Variants in ROR1 observed in about 807,000 individuals in gnomAD.
The protein encoded by ROR1 is ROR family WNT receptor 1.
Under a neutral mutation model 78.8 loss-of-function variants are expected in ROR1, and 19 were observed. That is an observed-to-expected ratio of 0.24 (90% CI 0.17 to 0.35). The LOEUF (loss-of-function observed/expected upper bound fraction) is 0.35, where lower values mean the gene tolerates loss of function less well. ROR1 is among the 10% of genes least tolerant of loss of function. The pLI, the probability that ROR1 is intolerant of heterozygous loss-of-function variation, is 1.00. For synonymous variants in ROR1, 386 were observed against 433.6 expected, an observed-to-expected ratio of 0.89 and a Z score of 1.36; for missense variants, 917 against 1,177.8, an observed-to-expected ratio of 0.78 and a Z score of 3.24.
intron 4 of ROR1, among the ~76,000 whole-genome samples, chr1:64,056,584 G>C (rs1432699631): frequency 6.6e-6 from 1 of 151,484 alleles, no homozygotes; most frequent in Non-Finnish European, 1.5e-5. Flanking sequence ...GCTGAGGCAG[G>C]AGAATCACTT....
chr1:64,049,544 T>C (rs188939523), intron 2 of ROR1, 147 bp from the exon 3 acceptor site: 491 of 720,466 alleles, frequency 6.8e-4, no homozygotes, highest in Non-Finnish European at 9.7e-4. Context: ...TCTTAATCAA[T>C]GTGATTGTTT....
intron 1 of ROR1, among the ~76,000 whole-genome samples, chr1:63,959,847 C>T (rs759793410): frequency 6.6e-6 from 1 of 152,142 alleles, no homozygotes; most frequent in Non-Finnish European, 1.5e-5. Context: ...TTCAATAAGT[C>T]CAGACACTTG....
intron 2 of ROR1, among the ~76,000 whole-genome samples, chr1:64,015,870 T>G (rs1306426679): frequency 6.6e-6 from 1 of 152,300 alleles, no homozygotes; most frequent in East Asian, 1.9e-4. Flanking sequence ...ACTAAAACAC[T>G]TAGAGCCTCT....
chr1:64,092,362 T>G (rs1647206533), intron 4 of ROR1, among the ~76,000 whole-genome samples: 1 of 152,160 alleles, frequency 6.6e-6, no homozygotes, highest in South Asian at 2.1e-4. Context: ...TTAGCTTTGG[T>G]CTCCCTTTTC....
At chr1:64,043,778 C>T (rs930150329) in intron 2 of ROR1, among the ~76,000 whole-genome samples, 7 of 152,238 alleles carry the variant, frequency 4.6e-5, no homozygotes, top group South Asian at 2.1e-4. Context: ...CGCTTTCTGG[C>T]TGTGTGACTT....
chr1:63,961,754 G>C (rs1646031468), intron 1 of ROR1, among the ~76,000 whole-genome samples: 1 of 152,134 alleles, frequency 6.6e-6, no homozygotes, highest in African/African-American at 2.4e-5. Flanking sequence ...TAGATAGGAG[G>C]AATAAGTTCT....
chr1:64,088,783 A>C (rs1647173170), intron 4 of ROR1, among the ~76,000 whole-genome samples: 1 of 152,168 alleles, frequency 6.6e-6, no homozygotes, highest in African/African-American at 2.4e-5. Context: ...ACATAAAAAT[A>C]ATTCTTATGC....
chr1:64,112,069 T>C (rs1648120434), intron 4 of ROR1: 1 of 152,122 alleles, frequency 6.6e-6, no homozygotes, highest in Admixed American at 6.5e-5. Context: ...ATGGGTGTCT[T>C]ACATGAATGG....
At chr1:63,782,568 T>G (rs1404573308) in intron 1 of ROR1, among the ~76,000 whole-genome samples, 1 of 150,826 alleles carries the variant, frequency 6.6e-6, no homozygotes, top group Non-Finnish European at 1.5e-5. Context: ...TTTTTTTTTT[T>G]GTTACAGCTG....
intron 1 of ROR1, among the ~76,000 whole-genome samples, chr1:63,807,581 C>G (rs527706850): frequency 9.2e-5 from 14 of 152,266 alleles, no homozygotes; most frequent in African/African-American, 3.1e-4. Flanking sequence ...GGCTTTAGAG[C>G]GATTTCCCTC....
In ROR1 at chr1:64,178,318, T is replaced by C. The variant is rs774498435; in HGVS notation, c.2277T>C (p.Thr759=). Reference sequence around the variant, plus strand: ...GACTCTCAAGTCACACAAGCTCTACTACTCCTTCAGGGGGAAATGCCACCA... The same window carrying C: ...GACTCTCAAGTCACACAAGCTCTACCACTCCTTCAGGGGGAAATGCCACCA... ...WEGLSSHTSS[T]TPSGGNATTQ... Residue 759 remains threonine, a synonymous_variant, in exon 9 of 9, where the codon ACT becomes ACC. Transcript: ENST00000371079. This position sits in a 1 kb window ranked among gnomAD's most constrained non-coding sequence, Gnocchi z 4.3. 2 of 1,614,130 alleles carry C rather than the reference T, an allele frequency of 1.2e-6. No homozygotes were observed. The highest frequency in any genetic ancestry group is 1.7e-6 in the Non-Finnish European group (2 of 1,180,004).
At chr1:63,931,591 T>C (rs1268776823) in intron 1 of ROR1, among the ~76,000 whole-genome samples, 2 of 152,190 alleles carry the variant, frequency 1.3e-5, no homozygotes, top group Non-Finnish European at 2.9e-5. Flanking sequence ...CCAAGTAGTA[T>C]GGTGAAATCT....
chr1:63,912,919 C>A (rs1281091653), intron 1 of ROR1, among the ~76,000 whole-genome samples: 4 of 152,052 alleles, frequency 2.6e-5, no homozygotes, highest in Non-Finnish European at 5.9e-5. Flanking sequence ...TGAGGAGAAG[C>A]GCTTCAGATA....
intron 7 of ROR1, among the ~76,000 whole-genome samples, chr1:64,150,022 T>C (rs953291203): frequency 2.6e-5 from 4 of 152,248 alleles, no homozygotes; most frequent in South Asian, 2.1e-4. Flanking sequence ...TATTTGTTTC[T>C]TTCTTGATTT....
intron 8 of ROR1, among the ~76,000 whole-genome samples, chr1:64,164,341 CT>C (rs1650026870): frequency 6.6e-6 from 1 of 152,166 alleles, no homozygotes. Context: ...GGAAAGTAGT[CT>C]GATACACTTC....
chr1:63,835,923 C>G (rs1339129982), intron 1 of ROR1, among the ~76,000 whole-genome samples: 1 of 152,168 alleles, frequency 6.6e-6, no homozygotes, highest in East Asian at 1.9e-4. Context: ...TAAAGTAAAG[C>G]TGACACTAGC....
At chr1:63,965,781 T>G (rs970799022) in intron 1 of ROR1, among the ~76,000 whole-genome samples, 1 of 152,174 alleles carries the variant, frequency 6.6e-6, no homozygotes, top group Non-Finnish European at 1.5e-5. Context: ...TGGAGACTAT[T>G]TAGTTTCAGA....
At chr1:64,150,682 CT>C (rs1181644806) in intron 7 of ROR1, among the ~76,000 whole-genome samples, 1 of 152,164 alleles carries the variant, frequency 6.6e-6, no homozygotes, top group African/African-American at 2.4e-5. Context: ...TAGTTTGAAG[CT>C]TTCTGGAAGA....
At chr1:64,082,390 C>G (rs530316446) in intron 4 of ROR1, among the ~76,000 whole-genome samples, 1 of 152,204 alleles carries the variant, frequency 6.6e-6, no homozygotes, top group Non-Finnish European at 1.5e-5. Context: ...TTACTTAAAC[C>G]TCTCTAGTTT....
Sources: gnomAD v4.1 joint callset for allele counts (sites outside exome capture counted in the v4.1 genomes callset) on GRCh38, gnomAD v4.1.1 for gene constraint, Gnocchi (gnomAD v3.1) non-coding constraint, MANE v1.5 for transcripts, NCBI Gene and HGNC (gene_info 2026-07-23, HGNC 2026-07-21) for gene names.